RBCK1: variants seen among roughly 807,000 people sequenced by gnomAD.
RBCK1 encodes RANBP2-type and C3HC4-type zinc finger containing 1.
A neutral mutation model predicts 71.1 loss-of-function variants in RBCK1; 44 were observed. The observed-to-expected ratio is 0.62, with a 90% CI of 0.49 to 0.80. RBCK1 has a LOEUF of 0.80. Among genes scored for constraint, RBCK1 ranks in the 30% least tolerant of loss-of-function variants. RBCK1 has a pLI of 0.00. For synonymous variants in RBCK1, 306 were observed against 279.7 expected, an observed-to-expected ratio of 1.09 and a Z score of -0.94; for missense variants, 569 against 685.0, an observed-to-expected ratio of 0.83 and a Z score of 1.89.
At chr20:429,149 G>T in intron 11 of RBCK1, 55 bp downstream of exon 11, 1 of 1,555,744 alleles carries the variant, frequency 6.4e-7, no homozygotes, top group Non-Finnish European at 8.7e-7. Context: ...CTTTGCCTTA[G>T]AGGAGGGCTG....
chr20:416,077 A>G (rs2015966396), intron 2 of RBCK1, among the ~76,000 whole-genome samples: 1 of 151,990 alleles, frequency 6.6e-6, no homozygotes, highest in Admixed American at 6.6e-5. Context: ...TACCCAGACT[A>G]TCATGGTGTC....
chr20:414,098 A>AG (rs1207673345), intron 2 of RBCK1, among the ~76,000 whole-genome samples: 1 of 151,856 alleles, frequency 6.6e-6, no homozygotes, highest in African/African-American at 2.4e-5. Flanking sequence ...ATACAAAAAA[A>AG]AAAAAGAAAA....
rs549656180 is a variant in RBCK1, at chr20:414,404, A to G, written c.168-3122A>G. ...CAAGGTGAAACCCTGTCTCAAAGAA[A>G]GAAAGAGAGAAAAGCCATTGGCTGT... On this transcript the variant is annotated intron_variant, in intron 2 of 11. Transcript: ENST00000356286. 4.6e-5 allele frequency among the ~76,000 whole-genome samples: 7 copies of G among 152,338 alleles called. No individual in the cohort carries two copies. In the South Asian group the frequency reaches 1.4e-3, roughly 32 times the overall value.
chr20:409,092 G>C (rs1349793515), intron 1 of RBCK1, among the ~76,000 whole-genome samples: 2 of 152,204 alleles, frequency 1.3e-5, no homozygotes, highest in African/African-American at 4.8e-5. Context: ...AGGGGTACTT[G>C]CCTCTTCTCT....
At chr20:419,516 C>T (rs1264279812) in intron 5 of RBCK1, 42 bp from the exon 6 acceptor site, 2 of 1,604,464 alleles carry the variant, frequency 1.2e-6, no homozygotes, top group African/African-American at 2.7e-5. Context: ...CCTCCCTTGC[C>T]TCACCCTGCC....
chr20:430,773 A>G lies in RBCK1; in HGVS notation c.*343A>G, dbSNP rs1172685209. The G allele has an allele frequency of 1.1e-5, 3 of 275,234 alleles. No homozygotes were observed. The highest frequency in any genetic ancestry group is 2.1e-5 in the Non-Finnish European group (3 of 143,488). 17.0% of individuals were successfully genotyped at this position (275,234 alleles called of 1,614,324 possible). A position where few individuals can be genotyped will look rare whatever the true frequency, so the allele number is the denominator to read the frequency against. Reference sequence around the variant, plus strand: ...AAGCACTCTCAGCCTCCCCGCCTTCAGCTGTCAGCTTTCTGGGGCTAACTT... The same window carrying G: ...AAGCACTCTCAGCCTCCCCGCCTTCGGCTGTCAGCTTTCTGGGGCTAACTT... On this transcript the variant is annotated 3_prime_UTR_variant, in exon 12 of 12. Coordinates refer to ENST00000356286, the MANE Select transcript of RBCK1 (RefSeq NM_031229.4). This position sits in a 1 kb window ranked among gnomAD's most constrained non-coding sequence, Gnocchi z 5.6.
chr20:421,900 G>C (rs903442516), intron 7 of RBCK1: 5 of 527,318 alleles, frequency 9.5e-6, no homozygotes, highest in African/African-American at 5.7e-5. Context: ...TCACCCAGGT[G>C]GGGGATGTGG....
rs1600300605 is a variant in RBCK1 at position 422,001 on chromosome 20, T to C, written c.918-126T>C. Reference sequence around the variant, plus strand: ...GAGAGGGATGGGAAGGAAGGAGATATTGAGGAGAAGTCCACCTGGGGTGAC... The same window carrying C: ...GAGAGGGATGGGAAGGAAGGAGATACTGAGGAGAAGTCCACCTGGGGTGAC... On this transcript the variant is annotated intron_variant, in intron 7 of 11. Coordinates refer to ENST00000356286, the MANE Select transcript of RBCK1 (RefSeq NM_031229.4). This position sits in a 1 kb window ranked among gnomAD's most constrained non-coding sequence, Gnocchi z 5.0. 4.6e-6 allele frequency: 3 copies of C among 651,728 alleles called. No individual in the cohort carries two copies. Among genetic ancestry groups the C allele is most frequent in the African/African-American group, 3.6e-5 (2 of 54,852 alleles). The allele number at this position is 651,728 out of a possible 1,614,324, so 40.4% of individuals were successfully genotyped here.
chr20:420,785 A>G (rs2016368709), intron 6 of RBCK1, 86 bp from the exon 7 acceptor site: 2 of 1,163,052 alleles, frequency 1.7e-6, no homozygotes, highest in Admixed American at 2.7e-5. Flanking sequence ...CCCAGCCCTG[A>G]CCACGCCCCC....
Position 431,060 on chromosome 20 carries a change from A to G in RBCK1, c.*630A>G, listed in dbSNP as rs779920679. 4 of 152,548 alleles carry G rather than the reference A, an allele frequency of 2.6e-5. No individual in the cohort carries two copies. The highest frequency in any genetic ancestry group is 4.8e-5 in the African/African-American group (2 of 41,446). 9.4% of individuals were successfully genotyped at this position (152,548 alleles called of 1,614,324 possible). On this transcript the variant is annotated 3_prime_UTR_variant, in exon 12 of 12. Coordinates refer to ENST00000356286, the MANE Select transcript of RBCK1 (RefSeq NM_031229.4). The surrounding 1 kb of genome is among the most constrained non-coding windows in gnomAD (Gnocchi z 4.8). ...CTGAGGTCTCTGGGAACTGCATCAG[A>G]AAGTTGACTTGTCAGTCCATCTGTG...
chr20:432,090 G>A lies in RBCK1; in HGVS notation c.*1660G>A, dbSNP rs147471560. Among the ~76,000 whole-genome samples the A allele has an allele frequency of 4.7e-4, 71 of 152,276 alleles. No individual in the cohort carries two copies. The highest frequency in any genetic ancestry group is 1.5e-3 in the African/African-American group (64 of 41,564). On this transcript the variant is annotated 3_prime_UTR_variant, in exon 12 of 12. Transcript: ENST00000356286. The surrounding 1 kb of genome is among the most constrained non-coding windows in gnomAD (Gnocchi z 4.3). ...ATCGGTTGCCCATCTTTTTAAATTGGCAACATCGTTTACCACATTAAAATC... is the reference window on the plus strand; with the variant it reads ...ATCGGTTGCCCATCTTTTTAAATTGACAACATCGTTTACCACATTAAAATC...
intron 2 of RBCK1, chr20:410,725 G>A (rs193109887): frequency 3.6e-5 from 21 of 586,034 alleles, no homozygotes; most frequent in African/African-American, 2.4e-4. Flanking sequence ...AATGCCTGGC[G>A]TGTTATGCAC....
intron 4 of RBCK1, among the ~76,000 whole-genome samples, chr20:418,139 C>G (rs971577684): frequency 6.6e-6 from 1 of 152,212 alleles, no homozygotes; most frequent in Non-Finnish European, 1.5e-5. Flanking sequence ...GAGGGGTGGA[C>G]TCCGTCCAGG....
chr20:420,288 C>T, intron 6 of RBCK1: 1 of 985,108 alleles, frequency 1.0e-6, no homozygotes, highest in Non-Finnish European at 1.2e-6. Flanking sequence ...AGCCCTACCC[C>T]GCCCCCATCG....
intron 8 of RBCK1, among the ~76,000 whole-genome samples, chr20:424,896 A>AAT (rs951929169): frequency 1.1e-4 from 17 of 152,216 alleles, no homozygotes; most frequent in African/African-American, 4.1e-4. Context: ...AAAACAGAAA[A>AAT]ATATGCCTCA....
rs1022366802 is a variant in RBCK1 at position 428,692 on chromosome 20, C to T, written c.1308+103C>T. 20 of 1,352,784 alleles carry T rather than the reference C, an allele frequency of 1.5e-5. No individual in the cohort carries two copies. Among genetic ancestry groups the T allele is most frequent in the East Asian group, 2.6e-5 (1 of 38,780 alleles). The allele number at this position is 1,352,784 out of a possible 1,614,324, so 83.8% of individuals were successfully genotyped here. A position where few individuals can be genotyped will look rare whatever the true frequency, so the allele number is the denominator to read the frequency against. ...GGCTGTGCTCACACATCCCTGGAGG[C>T]TCTGACCTCCCTTCTGGCTGTCACT... is the stretch of plus-strand genomic sequence containing the variant. On this transcript the variant is annotated intron_variant, in intron 10 of 11. Coordinates refer to ENST00000356286, the MANE Select transcript of RBCK1 (RefSeq NM_031229.4). The surrounding 1 kb of genome is among the most constrained non-coding windows in gnomAD (Gnocchi z 5.7).
chr20:430,261 A>T lies in RBCK1; in HGVS notation c.1453-89A>T. On this transcript the variant is annotated intron_variant, in intron 11 of 11. Transcript: ENST00000356286. The surrounding 1 kb of genome is among the most constrained non-coding windows in gnomAD (Gnocchi z 5.6). ...GCCATTCTTGCAGGAGGACCTGCAGAGGCAAAGGCCCGGGGTGGGAGAGCG... is the reference window on the plus strand; with the variant it reads ...GCCATTCTTGCAGGAGGACCTGCAGTGGCAAAGGCCCGGGGTGGGAGAGCG... The T allele has an allele frequency of 1.7e-6, 2 of 1,194,786 alleles. No individual in the cohort carries two copies. The highest frequency in any genetic ancestry group is 2.4e-5 in the East Asian group (1 of 42,312). 74.0% of individuals were successfully genotyped at this position (1,194,786 alleles called of 1,614,324 possible).
At chr20:421,182 G>A in intron 7 of RBCK1, 151 bp downstream of exon 7, 1 of 1,016,868 alleles carries the variant, frequency 9.8e-7, no homozygotes, top group Non-Finnish European at 1.4e-6. Context: ...TGTTGCGGAC[G>A]AGGAACCTGA....
At chr20:421,496 G>A (rs1216912096) in intron 7 of RBCK1, among the ~76,000 whole-genome samples, 3 of 152,238 alleles carry the variant, frequency 2.0e-5, no homozygotes, top group African/African-American at 7.2e-5. Flanking sequence ...CAGAGAGGCT[G>A]ATGAGAATCG....
Sources: allele counts gnomAD v4.1 joint callset (sites outside exome capture counted in the v4.1 genomes callset), GRCh38; gene constraint gnomAD v4.1.1; non-coding constraint Gnocchi (gnomAD v3.1); transcripts MANE v1.5; gene names NCBI Gene and HGNC (gene_info 2026-07-23, HGNC 2026-07-21).